KALRN: variants seen among roughly 807,000 people sequenced by gnomAD.
The protein encoded by KALRN is kalirin RhoGEF kinase, also known as kalirin.
In KALRN, 70 loss-of-function variants were observed where a neutral mutation model predicts 353.7. The observed-to-expected ratio is 0.20, with a 90% CI of 0.16 to 0.24. KALRN has a LOEUF of 0.24. Ranked by LOEUF, KALRN falls within the 10% of genes least tolerant of loss-of-function variation. KALRN has a pLI of 1.00. For synonymous variants in KALRN, 1,391 were observed against 1,434.8 expected, an observed-to-expected ratio of 0.97 and a Z score of 0.69; for missense variants, 2,791 against 3,756.7, an observed-to-expected ratio of 0.74 and a Z score of 6.72.
At chr3:124,442,199 T>C in intron 19 of KALRN, 140 bp downstream of exon 19, 1 of 505,542 alleles carries the variant, frequency 2.0e-6, no homozygotes, top group Non-Finnish European at 3.5e-6. Context: ...TGGGATGGTG[T>C]GGGCAGTAAT....
At chr3:124,426,028 AC>A (rs1173972652) in intron 15 of KALRN, among the ~76,000 whole-genome samples, 2 of 152,204 alleles carry the variant, frequency 1.3e-5, no homozygotes, top group African/African-American at 4.8e-5. Context: ...AATTGCTCAA[AC>A]CAGATTCTCA....
At chr3:124,283,449 T>C (rs2075543007) in intron 5 of KALRN, among the ~76,000 whole-genome samples, 1 of 152,164 alleles carries the variant, frequency 6.6e-6, no homozygotes, top group Non-Finnish European at 1.5e-5. Flanking sequence ...GCATTTGTGG[T>C]TCAAATGGAA....
At chr3:124,085,222 T>C (rs576281098) in intron 1 of KALRN, among the ~76,000 whole-genome samples, 4 of 152,210 alleles carry the variant, frequency 2.6e-5, no homozygotes, top group African/African-American at 7.2e-5. Context: ...ACATCACTAA[T>C]TGATGGCACC....
At chr3:124,306,442 A>T (rs2077707090) in intron 6 of KALRN, among the ~76,000 whole-genome samples, 1 of 136,900 alleles carries the variant, frequency 7.3e-6, no homozygotes, top group South Asian at 2.3e-4. Flanking sequence ...CAATATGAAG[A>T]ACAGAGAGAA....
intron 38 of KALRN, among the ~76,000 whole-genome samples, chr3:124,654,876 G>T (rs66817733): frequency 0.11 from 16,692 of 152,228 alleles, 1,006 homozygotes; most frequent in Middle Eastern, 0.2. Flanking sequence ...CAGATGAAGG[G>T]AGTGGCACAT....
At chr3:124,521,309 G>C (rs1028629687) in intron 33 of KALRN, among the ~76,000 whole-genome samples, 1 of 152,216 alleles carries the variant, frequency 6.6e-6, no homozygotes, top group African/African-American at 2.4e-5. Flanking sequence ...CTTACCAGTA[G>C]AGGAGACAGA....
intron 19 of KALRN, among the ~76,000 whole-genome samples, chr3:124,444,613 CAT>C (rs2093770321): frequency 6.7e-6 from 1 of 149,850 alleles, no homozygotes. Context: ...GCCTGGGCAA[CAT>C]AGTGAGACCC....
At chr3:124,209,240 C>T (rs915347645) in intron 1 of KALRN, among the ~76,000 whole-genome samples, 2 of 151,950 alleles carry the variant, frequency 1.3e-5, no homozygotes, top group African/African-American at 2.4e-5. Flanking sequence ...TGCAGTGGCT[C>T]ACACCTGTAA....
At chr3:124,401,792 T>C (rs1007404173) in intron 13 of KALRN, among the ~76,000 whole-genome samples, 1 of 152,180 alleles carries the variant, frequency 6.6e-6, no homozygotes, top group African/African-American at 2.4e-5. Flanking sequence ...CTGGAAATCC[T>C]GCCAAACCTA....
intron 26 of KALRN, 127 bp from the exon 27 acceptor site, chr3:124,477,117 GC>G (rs2061500032): frequency 1.7e-6 from 1 of 579,484 alleles, no homozygotes; most frequent in Admixed American, 3.1e-5. Context: ...TAGAACATTT[GC>G]CATAGAAAAT....
At chr3:124,637,075 C>A (rs145454851) in intron 36 of KALRN, 133 bp from the exon 37 acceptor site, 128 of 720,038 alleles carry the variant, frequency 1.8e-4, no homozygotes, top group Middle Eastern at 6.1e-4. Context: ...CTCCCTCTGT[C>A]ACCTCTTCCG....
At chr3:124,490,620 A>G in intron 29 of KALRN, 74 bp from the exon 30 acceptor site, 4 of 1,410,838 alleles carry the variant, frequency 2.8e-6, no homozygotes, top group Non-Finnish European at 3.9e-6. Context: ...CCTTTCTCCA[A>G]GAGGGGGGTG....
intron 1 of KALRN, among the ~76,000 whole-genome samples, chr3:124,134,160 G>T (rs572235639): frequency 6.6e-6 from 1 of 152,188 alleles, no homozygotes; most frequent in East Asian, 1.9e-4. Flanking sequence ...CCAAAACAGC[G>T]TGATACTGGC....
intron 16 of KALRN, among the ~76,000 whole-genome samples, chr3:124,433,611 A>AG (rs1324737949): frequency 6.6e-6 from 1 of 151,256 alleles, no homozygotes; most frequent in Non-Finnish European, 1.5e-5. Context: ...AAAAAAAAAA[A>AG]AAAAAGGAAA....
chr3:124,390,402 A>G (rs2089175913), intron 11 of KALRN, among the ~76,000 whole-genome samples: 1 of 152,216 alleles, frequency 6.6e-6, no homozygotes, highest in Non-Finnish European at 1.5e-5. Flanking sequence ...TCATTCTGCC[A>G]CACCATTTCC....
At chr3:124,635,740 A>T (rs994712464) in intron 36 of KALRN, among the ~76,000 whole-genome samples, 8 of 152,148 alleles carry the variant, frequency 5.3e-5, no homozygotes, top group African/African-American at 1.7e-4. Flanking sequence ...TACAATTATA[A>T]TATGCATATG....
chr3:124,543,846 A>G (rs1302075129), intron 33 of KALRN, among the ~76,000 whole-genome samples: 1 of 152,188 alleles, frequency 6.6e-6, no homozygotes, highest in Non-Finnish European at 1.5e-5. Context: ...AAAGAAAGAC[A>G]AGGGAAAAAC....
chr3:124,505,775 G>A (rs374301724), intron 33 of KALRN, among the ~76,000 whole-genome samples: 8 of 152,174 alleles, frequency 5.3e-5, no homozygotes, highest in Non-Finnish European at 1.0e-4. Flanking sequence ...TCCCTTTACC[G>A]TATGTGCTGT....
intron 3 of KALRN, among the ~76,000 whole-genome samples, chr3:124,242,005 AG>A (rs1434009718): frequency 1.3e-5 from 2 of 152,226 alleles, no homozygotes; most frequent in African/African-American, 4.8e-5. Flanking sequence ...GGAGAATGGC[AG>A]AGGATAGGGC....
Sources: gnomAD v4.1 joint callset for allele counts (sites outside exome capture counted in the v4.1 genomes callset) on GRCh38, gnomAD v4.1.1 for gene constraint, MANE v1.5 for transcripts, NCBI Gene and HGNC (gene_info 2026-07-23, HGNC 2026-07-21) for gene names.